The following TMEM230 variants were observed in gnomAD, a reference collection of about 807,000 sequenced individuals.
The protein encoded by TMEM230 is transmembrane protein 230.
Under a neutral mutation model 15.8 loss-of-function variants are expected in TMEM230, and 10 were observed. That is an observed-to-expected ratio of 0.63 (90% confidence interval 0.39 to 1.07). The LOEUF is 1.07. Among genes scored for constraint, TMEM230 ranks in the 50% least tolerant of loss-of-function variants. The probability of loss-of-function intolerance (pLI) is 0.01; values close to 1 mark genes in which losing one functional copy is unlikely to be tolerated. For missense variants in TMEM230, 165 were observed against 193.3 expected (o/e 0.85, Z 0.87); for synonymous variants, 67 against 76.9 (o/e 0.87, Z 0.68).
intron 4 of TMEM230, 96 bp from the exon 4 acceptor site, chr20:5,101,027 C>A (rs2089838844): frequency 7.2e-7 from 1 of 1,387,538 alleles, no homozygotes. Context: ...GTATTTTATA[C>A]TCTTCAGTAC....
intron 3 of TMEM230, among the ~76,000 whole-genome samples, chr20:5,073,468 G>A (rs956532209): frequency 6.6e-6 from 1 of 152,242 alleles, no homozygotes; most frequent in Non-Finnish European, 1.5e-5. Flanking sequence ...GGGACTCCAG[G>A]GTGTGGTCAG....
chr20:5,062,661 G>A, the TMEM230 span, among the ~76,000 whole-genome samples: 1 of 152,150 alleles, frequency 6.6e-6, no homozygotes, highest in African/African-American at 2.4e-5. Context: ...TACTCAGGAG[G>A]CTGAGGTGAG....
At chr20:5,101,594 A>T (rs2089866720) in intron 4 of TMEM230, among the ~76,000 whole-genome samples, 1 of 151,906 alleles carries the variant, frequency 6.6e-6, no homozygotes, top group African/African-American at 2.4e-5. Context: ...CTCATTTTGT[A>T]CATTTGTTTG....
chr20:5,079,586 C>T (rs553696572), intron 3 of TMEM230, among the ~76,000 whole-genome samples: 1 of 152,264 alleles, frequency 6.6e-6, no homozygotes, highest in African/African-American at 2.4e-5. Context: ...CTCCTGAGCT[C>T]AAGTCATCTT....
At chr20:5,092,731 A>AAGAG (rs111590997) in intron 3 of TMEM230, among the ~76,000 whole-genome samples, 1 of 151,578 alleles carries the variant, frequency 6.6e-6, no homozygotes, top group Non-Finnish European at 1.5e-5. Flanking sequence ...AAAAAAAAAA[A>AAGAG]AGAGAGAGAG....
downstream of TMEM230, among the ~76,000 whole-genome samples, chr20:5,097,279 G>A (rs573796632): frequency 1.8e-4 from 27 of 152,248 alleles, no homozygotes; most frequent in African/African-American, 6.3e-4. Flanking sequence ...GTATGACCAC[G>A]TGAAGCTCAA....
rs764062959 is a variant in TMEM230, at chr20:5,080,565, TTCTG to T, written c.223-11220_223-11217del. Among the ~76,000 whole-genome samples, 103 of 152,148 alleles carry T rather than the reference TTCTG, an allele frequency of 6.8e-4. 1 individual carries two copies. The highest frequency in any genetic ancestry group is 2.4e-3 in the African/African-American group (98 of 41,498). On this transcript the variant is annotated intron_variant, in intron 3 of 3. Transcript: ENST00000612323. ...TTGAAATTTTTAGTTTCTAAAGTCT[TTCTG>T]TCTTTTTTTTTTTTTGAAATGGAGT... is the stretch of plus-strand genomic sequence containing the variant.
chr20:5,088,643 C>T (rs565294023), intron 3 of TMEM230, among the ~76,000 whole-genome samples: 1 of 152,310 alleles, frequency 6.6e-6, no homozygotes, highest in South Asian at 2.1e-4. Flanking sequence ...CCCTGAGTAT[C>T]TGGGACCACT....
chr20:5,080,885 T>C (rs529181206), intron 3 of TMEM230, among the ~76,000 whole-genome samples: 4 of 152,216 alleles, frequency 2.6e-5, no homozygotes, highest in Non-Finnish European at 5.9e-5. Flanking sequence ...TGACACTCTA[T>C]ACCAGGTTAC....
chr20:5,059,801 A>T, the TMEM230 span, among the ~76,000 whole-genome samples: 3 of 117,180 alleles, frequency 2.6e-5, no homozygotes, highest in Non-Finnish European at 4.9e-5. Context: ...TTTGAGACAG[A>T]GTCTCGCTCT....
chr20:5,095,165 T>A (rs958486276), downstream of TMEM230, among the ~76,000 whole-genome samples: 2 of 152,134 alleles, frequency 1.3e-5, no homozygotes, highest in African/African-American at 4.8e-5. Context: ...AACCCTCAGG[T>A]TGGAGCATTT....
chr20:5,104,059 G>T (rs1003265204), intron 4 of TMEM230, among the ~76,000 whole-genome samples: 5 of 152,082 alleles, frequency 3.3e-5, no homozygotes, highest in African/African-American at 1.2e-4. Flanking sequence ...TATATAAGGA[G>T]CTCAAACTCT....
intron 3 of TMEM230, among the ~76,000 whole-genome samples, chr20:5,073,898 C>A (rs1221065053): frequency 6.6e-6 from 1 of 152,190 alleles, no homozygotes; most frequent in African/African-American, 2.4e-5. Flanking sequence ...GCTCACAGTT[C>A]TGCAAGCTCT....
At chr20:5,089,633 A>G (rs562800362) in intron 3 of TMEM230, among the ~76,000 whole-genome samples, 354 of 150,468 alleles carry the variant, frequency 2.4e-3, no homozygotes, top group Middle Eastern at 3.6e-3. Context: ...CCTGTGAGGC[A>G]AAGGCTGCAA....
chr20:5,086,901 G>C (rs979859071), intron 3 of TMEM230, among the ~76,000 whole-genome samples: 2 of 151,750 alleles, frequency 1.3e-5, no homozygotes, highest in Non-Finnish European at 2.9e-5. Flanking sequence ...TTGACACAGA[G>C]TCCCACTCTG....
downstream of TMEM230, chr20:5,065,999 G>A (rs1013958): frequency 6.6e-6 from 1 of 152,398 alleles, no homozygotes. Context: ...ACAAGTTCCC[G>A]GTTTTGGCAT....
At chr20:5,088,635 CTGAG>C (rs1020825264) in intron 3 of TMEM230, among the ~76,000 whole-genome samples, 6 of 152,142 alleles carry the variant, frequency 3.9e-5, no homozygotes, top group African/African-American at 1.4e-4. Flanking sequence ...TCTTAGCTCC[CTGAG>C]TATCTGGGAC....
chr20:5,080,014 T>C (rs979072379), intron 3 of TMEM230, among the ~76,000 whole-genome samples: 5 of 152,236 alleles, frequency 3.3e-5, no homozygotes, highest in Non-Finnish European at 7.3e-5. Flanking sequence ...GATTATTTTA[T>C]AAAACTAATA....
chr20:5,074,566 TG>T (rs1008138204), intron 3 of TMEM230, among the ~76,000 whole-genome samples: 3 of 137,566 alleles, frequency 2.2e-5, no homozygotes, highest in African/African-American at 7.2e-5. Context: ...GTGAAGTCCC[TG>T]TGTAAACACA....
Sources: gnomAD v4.1 joint callset for allele counts (sites outside exome capture counted in the v4.1 genomes callset) on GRCh38, gnomAD v4.1.1 for gene constraint, MANE v1.5 for transcripts, NCBI Gene and HGNC (gene_info 2026-07-23, HGNC 2026-07-21) for gene names.